PLD5: variants seen among roughly 807,000 people sequenced by gnomAD.
The protein encoded by PLD5 is phospholipase D family member 5.
In PLD5, 36 loss-of-function variants were observed where a neutral mutation model predicts 61.1. The observed-to-expected ratio is 0.59, with a 90% confidence interval of 0.45 to 0.78. PLD5 has a LOEUF of 0.78. PLD5 is among the 30% of genes least tolerant of loss of function. PLD5 has a pLI of 0.00. For synonymous variants in PLD5, 243 were observed against 242.8 expected, an observed-to-expected ratio of 1.00 and a Z score of -0.01; for missense variants, 515 against 644.4, an observed-to-expected ratio of 0.80 and a Z score of 2.17.
At chr1:242,272,076 G>A (rs1209355439) in intron 3 of PLD5, among the ~76,000 whole-genome samples, 6 of 152,064 alleles carry the variant, frequency 3.9e-5, no homozygotes, top group Non-Finnish European at 7.4e-5. Flanking sequence ...TAAAAAACAG[G>A]TTGAGAAATG....
chr1:242,112,339 G>GTGTATATATATATATATATATATA (rs1370325825), intron 7 of PLD5, among the ~76,000 whole-genome samples: 1 of 143,302 alleles, frequency 7.0e-6, no homozygotes, highest in African/African-American at 2.6e-5. Flanking sequence ...ATGTATATGT[G>GTGTATATATATATATATATATATA]TATATATATA....
intron 5 of PLD5, among the ~76,000 whole-genome samples, chr1:242,152,831 C>G (rs1399731393): frequency 1.3e-5 from 2 of 152,068 alleles, no homozygotes; most frequent in African/African-American, 4.8e-5. Context: ...GTGCATGTGT[C>G]TTTATAGTGG....
intron 1 of PLD5, among the ~76,000 whole-genome samples, chr1:242,427,656 G>A (rs923474896): frequency 2.0e-5 from 3 of 152,092 alleles, no homozygotes; most frequent in Non-Finnish European, 4.4e-5. Context: ...CCTTTTTAAC[G>A]TATTTATTCT....
chr1:242,512,207 C>T (rs565548125), intron 1 of PLD5, among the ~76,000 whole-genome samples: 15 of 150,474 alleles, frequency 1.0e-4, no homozygotes, highest in East Asian at 7.9e-4. Flanking sequence ...GTCAGGAGAT[C>T]GAGACCATCC....
chr1:242,404,875 A>ATTTTTT lies in PLD5; in HGVS notation c.190-56639_190-56634dup, dbSNP rs11361107. Among the ~76,000 whole-genome samples the ATTTTTT allele has an allele frequency of 1.6e-3, 117 of 75,396 alleles. 12 individuals are homozygous for ATTTTTT. The highest frequency in any genetic ancestry group is 2.7e-3 in the East Asian group (7 of 2,612). The allele number at this position is 75,396 out of a possible 152,430, so 49.5% of individuals were successfully genotyped here. A position where few individuals can be genotyped will look rare whatever the true frequency, so the allele number is the denominator to read the frequency against. On this transcript the variant is annotated intron_variant, in intron 1 of 9. Transcript: ENST00000536534. ...CATGCCTCTTATCTGTTCCCTGCTA[A>ATTTTTT]TTTTTTTTTTTTTTTTTTTTTTGAG...
intron 2 of PLD5, among the ~76,000 whole-genome samples, chr1:242,303,156 A>T (rs1215244699): frequency 6.6e-6 from 1 of 152,242 alleles, no homozygotes; most frequent in African/African-American, 2.4e-5. Context: ...CAAGAATTCC[A>T]GTTCTCTTCC....
intron 5 of PLD5, among the ~76,000 whole-genome samples, chr1:242,190,825 C>T (rs1174013050): frequency 5.9e-5 from 9 of 152,104 alleles, no homozygotes; most frequent in East Asian, 1.9e-4. Flanking sequence ...GGAAGTTAAA[C>T]GTCAATTGTG....
In PLD5 at chr1:242,478,457, C is replaced by A. The variant is rs116829118; in HGVS notation, c.189+45631G>T. Among the ~76,000 whole-genome samples, 38 of 152,246 alleles carry A rather than the reference C, an allele frequency of 2.5e-4. No individual in the cohort carries two copies. The East Asian group carries it at 5.4e-3, about 22-fold the overall frequency. On this transcript the variant is annotated intron_variant, in intron 1 of 9. Coordinates refer to ENST00000536534, the MANE Select transcript of PLD5 (RefSeq NM_001372062.1). Reference sequence around the variant, plus strand: ...GACTGAGACCCTGGTCCTGTCACTGCGAGGGACTAGCTGCTTGGCCTGACT... The same window carrying A: ...GACTGAGACCCTGGTCCTGTCACTGAGAGGGACTAGCTGCTTGGCCTGACT...
intron 1 of PLD5, among the ~76,000 whole-genome samples, chr1:242,376,286 C>T (rs1346918788): frequency 6.6e-6 from 1 of 152,192 alleles, no homozygotes; most frequent in Non-Finnish European, 1.5e-5. Flanking sequence ...GGCTGGGAAA[C>T]GAGCAACCTG....
chr1:242,293,530 T>C (rs1675487339), intron 2 of PLD5, among the ~76,000 whole-genome samples: 1 of 152,184 alleles, frequency 6.6e-6, no homozygotes, highest in Admixed American at 6.6e-5. Context: ...CAGGTAGATA[T>C]GAATAGGAAA....
intron 5 of PLD5, among the ~76,000 whole-genome samples, chr1:242,195,083 G>C (rs1668554129): frequency 6.6e-6 from 1 of 152,156 alleles, no homozygotes; most frequent in Non-Finnish European, 1.5e-5. Flanking sequence ...CTGTGTTCTA[G>C]AACTTGGATC....
chr1:242,470,883 C>T (rs532539017), intron 1 of PLD5, among the ~76,000 whole-genome samples: 1 of 152,352 alleles, frequency 6.6e-6, no homozygotes, highest in African/African-American at 2.4e-5. Context: ...TGCTTGTATC[C>T]TGCAGCGCTA....
At chr1:242,385,938 G>A (rs964189518) in intron 1 of PLD5, among the ~76,000 whole-genome samples, 2 of 152,270 alleles carry the variant, frequency 1.3e-5, no homozygotes, top group Non-Finnish European at 2.9e-5. Context: ...AACAAATGTA[G>A]TGTCTCCTGG....
At chr1:242,418,011 C>T (rs990611993) in intron 1 of PLD5, among the ~76,000 whole-genome samples, 11 of 152,112 alleles carry the variant, frequency 7.2e-5, no homozygotes, top group Non-Finnish European at 1.2e-4. Context: ...TTGAGAATAA[C>T]CTGGAAAGAC....
upstream of PLD5, chr1:242,524,750 G>T: frequency 6.8e-6 from 1 of 147,716 alleles, no homozygotes; most frequent in South Asian, 2.0e-4. Context: ...GGGGTGCGGT[G>T]GGAGGGGCCG....
intron 2 of PLD5, among the ~76,000 whole-genome samples, chr1:242,337,120 C>T (rs1574756847): frequency 6.6e-6 from 1 of 151,796 alleles, no homozygotes; most frequent in South Asian, 2.1e-4. Flanking sequence ...TTCACCTTGA[C>T]CTCTGCTGCC....
At chr1:242,382,128 C>CAAAAA (rs34582650) in intron 1 of PLD5, among the ~76,000 whole-genome samples, 1,881 of 125,406 alleles carry the variant, frequency 0.015, 57 homozygotes, top group African/African-American at 0.04. Flanking sequence ...ACTTTGACAG[C>CAAAAA]AAAAAAAAAA....
Position 242,524,618 on chromosome 1 carries a change from G to A in PLD5, c.-342C>T, listed in dbSNP as rs1411733439. ...GAACCTGCTCCGGGGAGACAGAAGTGCCCGGTGCGGCGGCGACGTCGCCCG... is the reference window on the plus strand; with the variant it reads ...GAACCTGCTCCGGGGAGACAGAAGTACCCGGTGCGGCGGCGACGTCGCCCG... On this transcript the variant is annotated 5_prime_UTR_variant, in exon 1 of 10. Coordinates refer to ENST00000536534, the MANE Select transcript of PLD5 (RefSeq NM_001372062.1). 2.2e-4 allele frequency: 45 copies of A among 201,916 alleles called. 1 individual carries two copies. In the Admixed American group the frequency reaches 2.3e-3, roughly 10 times the overall value. The allele number at this position is 201,916 out of a possible 1,614,324, so 12.5% of individuals were successfully genotyped here. A position where few individuals can be genotyped will look rare whatever the true frequency, so the allele number is the denominator to read the frequency against.
intron 5 of PLD5, among the ~76,000 whole-genome samples, chr1:242,128,318 A>AAG (rs1464319067): frequency 6.6e-6 from 1 of 150,576 alleles, no homozygotes; most frequent in Admixed American, 6.6e-5. Flanking sequence ...GAAAGAAAGA[A>AAG]AAAAAAAAAA....
Sources: allele counts gnomAD v4.1 joint callset (sites outside exome capture counted in the v4.1 genomes callset), GRCh38; gene constraint gnomAD v4.1.1; transcripts MANE v1.5; gene names NCBI Gene and HGNC (gene_info 2026-07-23, HGNC 2026-07-21).